CDRT4: variants seen among roughly 807,000 people sequenced by gnomAD.
The protein encoded by CDRT4 is CMT1A duplicated region transcript 4, also known as CMT1A duplicated region transcript 4 protein.
For missense variants in CDRT4, 167 were observed against 193.1 expected, an observed-to-expected ratio of 0.87 and a Z score of 0.80; for synonymous variants, 64 against 69.6, an observed-to-expected ratio of 0.92 and a Z score of 0.40.
chr17:15,440,354 G>C, intron 2 of CDRT4, 69 bp from the exon 3 acceptor site: 5 of 1,555,182 alleles, frequency 3.2e-6, no homozygotes, highest in Non-Finnish European at 4.4e-6. Context: ...CACCCTGGGT[G>C]GGGGTGGTTC....
rs1978456078 is a variant in CDRT4 at position 15,436,065 on chromosome 17, T to A, written c.*1708A>T. 1 of 152,140 alleles carries A rather than the reference T, an allele frequency of 6.6e-6. No individual in the cohort carries two copies. Among genetic ancestry groups the A allele is most frequent in the African/African-American group, 2.4e-5 (1 of 41,412 alleles). The allele number at this position is 152,140 out of a possible 1,614,324, so 9.4% of individuals were successfully genotyped here. Reference sequence around the variant, plus strand: ...TGCCTGCCTCCATGTCTATAAACGTTCCATGGACACAAAATACAATCATTC... The same window carrying A: ...TGCCTGCCTCCATGTCTATAAACGTACCATGGACACAAAATACAATCATTC... On this transcript the variant is annotated 3_prime_UTR_variant, in exon 4 of 4. Coordinates refer to ENST00000619038, the MANE Select transcript of CDRT4 (RefSeq NM_001204477.2).
intron 1 of CDRT4, among the ~76,000 whole-genome samples, chr17:15,454,733 G>A (rs1979410249): frequency 6.6e-6 from 1 of 152,144 alleles, no homozygotes; most frequent in African/African-American, 2.4e-5. Context: ...GGGGCTGTAG[G>A]GTAGAGCACA....
intron 1 of CDRT4, among the ~76,000 whole-genome samples, chr17:15,467,047 A>AACCCATC (rs149523995): frequency 0.023 from 3,493 of 152,168 alleles, 131 homozygotes; most frequent in African/African-American, 0.08. Flanking sequence ...CCTCATCCCC[A>AACCCATC]ACCCATCACC....
At chr17:15,452,328 T>C (rs1256804572) in intron 2 of CDRT4, among the ~76,000 whole-genome samples, 5 of 152,356 alleles carry the variant, frequency 3.3e-5, no homozygotes, top group East Asian at 1.9e-4. Flanking sequence ...GAGTGCAGCA[T>C]TGCAGTTGCC....
intron 2 of CDRT4, among the ~76,000 whole-genome samples, chr17:15,447,151 G>C (rs916111090): frequency 6.6e-6 from 1 of 152,202 alleles, no homozygotes; most frequent in African/African-American, 2.4e-5. Context: ...AGAAACAAAA[G>C]CAGAGGCCTC....
intron 1 of CDRT4, 61 bp from the exon 2 acceptor site, chr17:15,453,146 G>T (rs1166076339): frequency 6.6e-6 from 1 of 152,188 alleles, no homozygotes; most frequent in Non-Finnish European, 1.5e-5. Context: ...TAACTAAGAT[G>T]AATGATTTGG....
At chr17:15,439,856 G>A (rs183467626) in intron 3 of CDRT4, among the ~76,000 whole-genome samples, 99 of 152,028 alleles carry the variant, frequency 6.5e-4, no homozygotes, top group African/African-American at 2.3e-3. Context: ...ACCAAACACC[G>A]TTATGTTCTC....
rs1041806804 is a variant in CDRT4, at chr17:15,464,994, C to T, written c.-130+2466G>A. ...ACAGACACACCAACACACAGACACA[C>T]GCAATACAGACACACACAACACAGA... On this transcript the variant is annotated intron_variant, in intron 1 of 3. Transcript: ENST00000619038. This position sits in a 1 kb window ranked among gnomAD's most constrained non-coding sequence, Gnocchi z 4.5. Among the ~76,000 whole-genome samples the T allele has an allele frequency of 8.7e-5, 13 of 149,590 alleles. No homozygotes were observed. Among genetic ancestry groups the T allele is most frequent in the Middle Eastern group, 3.2e-3 (1 of 308 alleles).
chr17:15,464,992 C>G lies in CDRT4; in HGVS notation c.-130+2468G>C, dbSNP rs1481552052. On this transcript the variant is annotated intron_variant, in intron 1 of 3. Coordinates refer to ENST00000619038, the MANE Select transcript of CDRT4 (RefSeq NM_001204477.2). This position sits in a 1 kb window ranked among gnomAD's most constrained non-coding sequence, Gnocchi z 4.5. ...CAACAGACACACCAACACACAGACA[C>G]ACGCAATACAGACACACACAACACA... Among the ~76,000 whole-genome samples the G allele has an allele frequency of 2.0e-5, 3 of 150,480 alleles. No homozygotes were observed. The highest frequency in any genetic ancestry group is 4.4e-5 in the Non-Finnish European group (3 of 67,548).
In CDRT4 at chr17:15,464,855, C is replaced by A. The variant is rs1046500756; in HGVS notation, c.-130+2605G>T. ...CACTCGCAGCTCTGCTGACAGCCAGCACAGAAAGGAACCAGCAGGGATACG... is the reference window on the plus strand; with the variant it reads ...CACTCGCAGCTCTGCTGACAGCCAGAACAGAAAGGAACCAGCAGGGATACG... On this transcript the variant is annotated intron_variant, in intron 1 of 3. Transcript: ENST00000619038. The surrounding 1 kb of genome is among the most constrained non-coding windows in gnomAD (Gnocchi z 4.5). Among the ~76,000 whole-genome samples, 3 of 152,162 alleles carry A rather than the reference C, an allele frequency of 2.0e-5. No individual in the cohort carries two copies. The highest frequency in any genetic ancestry group is 4.4e-5 in the Non-Finnish European group (3 of 68,042).
chr17:15,451,937 G>A (rs942976930), intron 2 of CDRT4, among the ~76,000 whole-genome samples: 2 of 152,170 alleles, frequency 1.3e-5, no homozygotes, highest in South Asian at 2.1e-4. Context: ...TCTGTCCCCA[G>A]GCTCTTGGGT....
intron 1 of CDRT4, among the ~76,000 whole-genome samples, chr17:15,457,381 A>G (rs559015647): frequency 3.0e-4 from 46 of 152,326 alleles, no homozygotes; most frequent in Non-Finnish European, 5.0e-4. Context: ...TAGGGTGGGA[A>G]ATGTGAAAGG....
rs563339442 is a variant in CDRT4 at position 15,450,313 on chromosome 17, C to A, written c.-48+2691G>T. 6.6e-6 allele frequency among the ~76,000 whole-genome samples: 1 copy of A among 152,208 alleles called. No homozygotes were observed. The highest frequency in any genetic ancestry group is 1.9e-4 in the East Asian group (1 of 5,178). ...ACCATCACTCGTACCAACTCTCCAC[C>A]ATAAGCTCCCCTGCACTATGCCTTC... is the stretch of plus-strand genomic sequence containing the variant. On this transcript the variant is annotated intron_variant, in intron 2 of 3. Coordinates refer to ENST00000619038, the MANE Select transcript of CDRT4 (RefSeq NM_001204477.2). The surrounding 1 kb of genome is among the most constrained non-coding windows in gnomAD (Gnocchi z 4.2).
intron 1 of CDRT4, among the ~76,000 whole-genome samples, chr17:15,462,427 CAAAAAAAAA>C (rs55662712): frequency 3.3e-5 from 2 of 59,884 alleles, no homozygotes; most frequent in Non-Finnish European, 5.9e-5. Flanking sequence ...GACTCCATCT[CAAAAAAAAA>C]AAAAAAAAAA....
intron 3 of CDRT4, 88 bp downstream of exon 3, chr17:15,440,120 C>T: frequency 7.9e-7 from 1 of 1,273,846 alleles, no homozygotes; most frequent in Non-Finnish European, 1.1e-6. Flanking sequence ...AAAAGAGTGG[C>T]CGCCCAGTGG....
Position 15,444,742 on chromosome 17 carries a change from G to GAA in CDRT4, c.-47-4458_-47-4457insTT, listed in dbSNP as rs1265502688. The stretch of plus-strand genomic sequence containing the variant: ...AGAGAGAGAGAGAGAGAGAGAGAGA[G>GAA]AGAGGTCCAGAAGATCTTTTTAGTC... On this transcript the variant is annotated intron_variant, in intron 2 of 3. Transcript: ENST00000619038. Among the ~76,000 whole-genome samples, 4 of 151,590 alleles carry GAA rather than the reference G, an allele frequency of 2.6e-5. No homozygotes were observed. In the South Asian group the frequency reaches 6.3e-4, roughly 24 times the overall value.
chr17:15,441,926 A>AT (rs895007849), intron 2 of CDRT4, among the ~76,000 whole-genome samples: 8 of 151,260 alleles, frequency 5.3e-5, no homozygotes, highest in African/African-American at 1.5e-4. Context: ...TCATGTCATC[A>AT]TTTTTTTTTA....
chr17:15,442,961 A>G (rs1318966149), intron 2 of CDRT4, among the ~76,000 whole-genome samples: 1 of 152,214 alleles, frequency 6.6e-6, no homozygotes, highest in East Asian at 1.9e-4. Context: ...CTACAGACAG[A>G]AACAGCATTG....
In CDRT4 at chr17:15,438,117, T is replaced by G; in HGVS notation, c.115A>C (p.Thr39Pro). The G allele has an allele frequency of 6.2e-7, 1 of 1,614,198 alleles. No homozygotes were observed. ...CTTTTCTCAATGAGTCTTTTCACTG[T>G]CTGAGAGGTATAGGTGACATAGGCC... is the stretch of plus-strand genomic sequence containing the variant. ...WPAYVTYTSQ[T>P]VKRLIEKSKT... Residue 39 changes from threonine (T) to proline (P), a missense_variant, in exon 4 of 4, where the codon ACA (threonine) becomes CCA (proline). Physicochemically the swap from Thr to Pro is conservative, Grantham distance 38. Coordinates refer to ENST00000619038, the MANE Select transcript of CDRT4 (RefSeq NM_001204477.2).
Sources: allele counts gnomAD v4.1 joint callset (sites outside exome capture counted in the v4.1 genomes callset), GRCh38; gene constraint gnomAD v4.1.1; non-coding constraint Gnocchi (gnomAD v3.1); transcripts MANE v1.5; gene names NCBI Gene and HGNC (gene_info 2026-07-23, HGNC 2026-07-21).